The following SOX6 variants were observed in gnomAD, a reference collection of about 807,000 sequenced individuals.
The protein encoded by SOX6 is transcription factor SOX-6.
In SOX6, 11 loss-of-function variants were observed where a neutral mutation model predicts 97.8. The ratio of observed to expected loss-of-function variants is 0.11; its 90% CI spans 0.07 to 0.19. The LOEUF (loss-of-function observed/expected upper bound fraction) is 0.19, where lower values mean the gene tolerates loss of function less well. Among genes scored for constraint, SOX6 ranks in the 10% least tolerant of loss-of-function variants. The pLI is 1.00. For synonymous variants in SOX6, 360 were observed against 371.4 expected, an observed-to-expected ratio of 0.97 and a Z score of 0.35; for missense variants, 810 against 1,039.5, an observed-to-expected ratio of 0.78 and a Z score of 3.04.
intron 4 of SOX6, among the ~76,000 whole-genome samples, chr11:16,205,178 A>C (rs1464688560): frequency 6.6e-6 from 1 of 152,184 alleles, no homozygotes; most frequent in African/African-American, 2.4e-5. Context: ...AATGATACTA[A>C]GAATTCCACG....
intron 4 of SOX6, among the ~76,000 whole-genome samples, chr11:16,188,206 G>T (rs889455032): frequency 1.5e-5 from 2 of 133,036 alleles, no homozygotes; most frequent in African/African-American, 2.9e-5. Flanking sequence ...ACTATCGTGG[G>T]ATTCTTAATG....
intron 3 of SOX6, among the ~76,000 whole-genome samples, chr11:16,705,166 G>A (rs926999946): frequency 1.3e-5 from 2 of 152,044 alleles, no homozygotes; most frequent in Non-Finnish European, 2.9e-5. Context: ...CCTGAGGCAG[G>A]AGAATCGCTT....
At chr11:16,058,002 C>T (rs1048779373) in intron 9 of SOX6, among the ~76,000 whole-genome samples, 3 of 151,936 alleles carry the variant, frequency 2.0e-5, no homozygotes, top group Non-Finnish European at 2.9e-5. Context: ...TCAGTCTTTT[C>T]GATCCAAACT....
chr11:16,735,619 A>G (rs1341493501), intron 2 of SOX6, among the ~76,000 whole-genome samples: 1 of 152,216 alleles, frequency 6.6e-6, no homozygotes, highest in Non-Finnish European at 1.5e-5. Context: ...ATTAGACTTA[A>G]GGACTGAATC....
At chr11:16,048,452 T>C (rs914615087) in intron 11 of SOX6, among the ~76,000 whole-genome samples, 1 of 152,142 alleles carries the variant, frequency 6.6e-6, no homozygotes, top group East Asian at 1.9e-4. Flanking sequence ...ATTCTAACTG[T>C]GAGTTTACAA....
At chr11:16,471,004 T>C (rs1860132156) in intron 1 of SOX6, among the ~76,000 whole-genome samples, 1 of 151,754 alleles carries the variant, frequency 6.6e-6, no homozygotes, top group African/African-American at 2.4e-5. Context: ...TAGAATTTTT[T>C]AAAGGAATTC....
chr11:16,466,917 C>A (rs868196137), intron 1 of SOX6, among the ~76,000 whole-genome samples: 1 of 106,998 alleles, frequency 9.3e-6, no homozygotes, highest in Non-Finnish European at 1.7e-5. Flanking sequence ...GGCGACAGAG[C>A]GAGACTCCGT....
intron 9 of SOX6, among the ~76,000 whole-genome samples, chr11:16,067,262 G>A (rs771147019): frequency 1.3e-5 from 2 of 152,124 alleles, no homozygotes; most frequent in Non-Finnish European, 2.9e-5. Context: ...AAATAATATG[G>A]TTTTGTTGTG....
At chr11:16,184,253 T>C (rs980323389) in intron 5 of SOX6, among the ~76,000 whole-genome samples, 4 of 152,112 alleles carry the variant, frequency 2.6e-5, no homozygotes, top group African/African-American at 9.7e-5. Context: ...CCTTGTAGAA[T>C]AGAGATAGAA....
At chr11:16,514,592 T>A (rs1232198536) in intron 4 of SOX6, among the ~76,000 whole-genome samples, 4 of 151,684 alleles carry the variant, frequency 2.6e-5, no homozygotes, top group Non-Finnish European at 4.4e-5. Flanking sequence ...CATGTGCACA[T>A]TGTGCAGGTT....
chr11:16,212,728 C>A (rs998387142), intron 4 of SOX6, among the ~76,000 whole-genome samples: 8 of 152,102 alleles, frequency 5.3e-5, no homozygotes. Flanking sequence ...AATCTCAGCT[C>A]CTCACACTTA....
chr11:16,500,720 G>A (rs1860691650), intron 4 of SOX6, among the ~76,000 whole-genome samples: 1 of 152,134 alleles, frequency 6.6e-6, no homozygotes, highest in Non-Finnish European at 1.5e-5. Context: ...TTGCTTCAAA[G>A]AGAATGAAAT....
chr11:16,290,747 A>T (rs898488255), intron 3 of SOX6, among the ~76,000 whole-genome samples: 1 of 152,054 alleles, frequency 6.6e-6, no homozygotes, highest in African/African-American at 2.4e-5. Flanking sequence ...CAATACAACA[A>T]AAACAACGTT....
intron 6 of SOX6, among the ~76,000 whole-genome samples, chr11:16,165,768 T>C (rs559590505): frequency 6.6e-6 from 1 of 152,036 alleles, no homozygotes; most frequent in Non-Finnish European, 1.5e-5. Flanking sequence ...CATGGTGGCA[T>C]GTGCCTGTAA....
intron 1 of SOX6, among the ~76,000 whole-genome samples, chr11:16,376,795 TAGATAGA>T (rs2134402623): frequency 1.3e-5 from 2 of 152,178 alleles, no homozygotes; most frequent in East Asian, 3.9e-4. Context: ...TACTGCACTA[TAGATAGA>T]ACATTTAGAC....
intron 12 of SOX6, 59 bp downstream of exon 12, chr11:16,046,455 C>T (rs1855833422): frequency 1.3e-6 from 2 of 1,587,894 alleles, no homozygotes; most frequent in Admixed American, 3.3e-5. Flanking sequence ...CTGGAAAGAA[C>T]CAGATGAGAG....
At chr11:16,352,142 T>C (rs1365645997) in intron 1 of SOX6, among the ~76,000 whole-genome samples, 1 of 152,046 alleles carries the variant, frequency 6.6e-6, no homozygotes, top group Non-Finnish European at 1.5e-5. Context: ...TCACCTCATA[T>C]TTTAAAAGTT....
intron 3 of SOX6, among the ~76,000 whole-genome samples, chr11:16,660,573 G>T (rs1847758593): frequency 6.6e-6 from 1 of 152,178 alleles, no homozygotes; most frequent in South Asian, 2.1e-4. Flanking sequence ...AGTATTGAAT[G>T]AAGTATTCTC....
intron 3 of SOX6, among the ~76,000 whole-genome samples, chr11:16,283,089 G>GTGTATA (rs370335142): frequency 0.035 from 4,029 of 113,694 alleles, 134 homozygotes; most frequent in Non-Finnish European, 0.052. Context: ...TATATAATTT[G>GTGTATA]TATATATATA....
Sources: allele counts gnomAD v4.1 joint callset (sites outside exome capture counted in the v4.1 genomes callset), GRCh38; gene constraint gnomAD v4.1.1; transcripts MANE v1.5; gene names NCBI Gene and HGNC (gene_info 2026-07-23, HGNC 2026-07-21).